Variants in FAM83A observed in about 807,000 individuals in gnomAD.
FAM83A encodes scaffolding CK1 anchoring protein A, also known as protein FAM83A.
In FAM83A, 21 loss-of-function variants were observed where a neutral mutation model predicts 24.4. The ratio of observed to expected loss-of-function variants is 0.86; its 90% CI spans 0.61 to 1.24. The LOEUF (loss-of-function observed/expected upper bound fraction) is 1.24. Among genes scored for constraint, FAM83A ranks in the 50% most tolerant of loss-of-function variants. The pLI, the probability that FAM83A is intolerant of heterozygous loss-of-function variation, is 0.00. For missense variants in FAM83A, 617 were observed against 579.8 expected (o/e 1.06, Z -0.66); for synonymous variants, 270 against 252.4 (o/e 1.07, Z -0.66).
intron 1 of FAM83A, among the ~76,000 whole-genome samples, chr8:123,190,399 C>A (rs1219023341): frequency 6.6e-6 from 1 of 151,558 alleles, no homozygotes; most frequent in Non-Finnish European, 1.5e-5. Context: ...GTAGCTGGGA[C>A]TATAGGCGTG....
chr8:123,182,384 C>T (rs1021868667), upstream of FAM83A: 21 of 357,858 alleles, frequency 5.9e-5, no homozygotes, highest in African/African-American at 6.4e-5. Flanking sequence ...GCATGGGAAT[C>T]GAGGCACCCA....
intron 3 of FAM83A, among the ~76,000 whole-genome samples, chr8:123,195,411 G>A (rs926809559): frequency 1.3e-5 from 2 of 152,016 alleles, no homozygotes; most frequent in African/African-American, 2.4e-5. Context: ...AAGGGAGGGC[G>A]GAAAAACCCC....
intron 3 of FAM83A, among the ~76,000 whole-genome samples, chr8:123,196,543 T>A (rs1017629234): frequency 3.3e-5 from 5 of 152,162 alleles, no homozygotes; most frequent in Non-Finnish European, 5.9e-5. Context: ...TAATTTATAT[T>A]TTTACTCTTT....
intron 1 of FAM83A, among the ~76,000 whole-genome samples, chr8:123,190,365 G>A (rs1823931786): frequency 6.6e-6 from 1 of 151,828 alleles, no homozygotes; most frequent in Non-Finnish European, 1.5e-5. Flanking sequence ...GGGTTCAAGC[G>A]ATTCTCTTGC....
intron 1 of FAM83A, among the ~76,000 whole-genome samples, chr8:123,191,571 T>G (rs143087629): frequency 1.3e-5 from 2 of 152,108 alleles, no homozygotes; most frequent in East Asian, 3.9e-4. Context: ...GGCCAACAGA[T>G]AGGTGGTGGG....
chr8:123,204,103 A>T (rs1824459422), intron 3 of FAM83A, among the ~76,000 whole-genome samples: 1 of 152,064 alleles, frequency 6.6e-6, no homozygotes, highest in Non-Finnish European at 1.5e-5. Context: ...CTATGGCTAG[A>T]TGTGGACTAT....
At chr8:123,200,186 A>G (rs1013366258) in intron 3 of FAM83A, among the ~76,000 whole-genome samples, 1 of 141,330 alleles carries the variant, frequency 7.1e-6, no homozygotes, top group Admixed American at 7.2e-5. Flanking sequence ...GCAGAACAAA[A>G]CCTCTCTTTC....
chr8:123,183,261 C>T (rs1295119668), exon 1 of FAM83A: 3 of 1,613,340 alleles, frequency 1.9e-6, no homozygotes. Flanking sequence ...AATCCAGCGC[C>T]ACTGTGTACT....
chr8:123,200,592 G>A (rs1824316452), intron 3 of FAM83A, among the ~76,000 whole-genome samples: 1 of 152,102 alleles, frequency 6.6e-6, no homozygotes, highest in Admixed American at 6.6e-5. Context: ...TGAGCGGGGT[G>A]GGTCACTTGA....
At chr8:123,202,743 T>A (rs1477416662) in intron 3 of FAM83A, 3 of 152,540 alleles carry the variant, frequency 2.0e-5, no homozygotes, top group East Asian at 3.8e-4. Context: ...GTAGATGATG[T>A]CTAGCATTTT....
chr8:123,207,546 G>A (rs1009700598), exon 4 of FAM83A: 1 of 1,557,224 alleles, frequency 6.4e-7, no homozygotes, highest in African/African-American at 1.4e-5. Context: ...CTCTCCCCGC[G>A]GCCCCACGAC....
chr8:123,180,538 C>T (rs1036880873), upstream of FAM83A: 5 of 152,500 alleles, frequency 3.3e-5, no homozygotes, highest in South Asian at 4.1e-4. Context: ...TGGACAGCTT[C>T]GGAGCCATGG....
chr8:123,181,393 C>T (rs1368087584), upstream of FAM83A, among the ~76,000 whole-genome samples: 1 of 152,182 alleles, frequency 6.6e-6, no homozygotes, highest in Non-Finnish European at 1.5e-5. Flanking sequence ...TATCCTGGCT[C>T]TTTGAAGACC....
chr8:123,183,086 A>C, exon 1 of FAM83A: 1 of 1,613,776 alleles, frequency 6.2e-7, no homozygotes, highest in African/African-American at 1.3e-5. Context: ...CAGGCCAGGG[A>C]GCCCCCGTGT....
intron 3 of FAM83A, 127 bp downstream of exon 3, chr8:123,194,275 A>G (rs932078928): frequency 7.5e-7 from 1 of 1,329,378 alleles, no homozygotes; most frequent in African/African-American, 1.4e-5. Flanking sequence ...CTCTGCCCGG[A>G]GCTGGAGCTG....
At position 123,209,845 on chromosome 8, in the gene FAM83A, G is replaced by T. The variant is rs1181760799; in HGVS notation, c.*2157G>T. ...ACATGTGATGCGCTGCCTGCTGGGAGGTTAGGTCGGGGCTGCCCCGGCGAG... is the reference window on the plus strand; with the variant it reads ...ACATGTGATGCGCTGCCTGCTGGGATGTTAGGTCGGGGCTGCCCCGGCGAG... On this transcript the variant is annotated 3_prime_UTR_variant, in exon 4 of 4. Coordinates refer to ENST00000690554, the Ensembl canonical transcript of FAM83A. The surrounding 1 kb of genome is among the most constrained non-coding windows in gnomAD (Gnocchi z 4.7). 5.1e-6 allele frequency: 2 copies of T among 391,568 alleles called. No individual in the cohort carries two copies. The highest frequency in any genetic ancestry group is 4.3e-5 in the East Asian group (1 of 23,488). The allele number at this position is 391,568 out of a possible 1,614,324, so 24.3% of individuals were successfully genotyped here.
At chr8:123,208,395 A>G (rs1824634991) in exon 4 of FAM83A, 11 of 985,596 alleles carry the variant, frequency 1.1e-5, no homozygotes, top group Non-Finnish European at 1.3e-5. Flanking sequence ...TCTTGCTTCA[A>G]AGAGCCTTGG....
intron 3 of FAM83A, among the ~76,000 whole-genome samples, chr8:123,197,827 G>A (rs1824211868): frequency 6.6e-6 from 1 of 152,138 alleles, no homozygotes; most frequent in Non-Finnish European, 1.5e-5. Context: ...CAAAGCACAT[G>A]ATACACTTTA....
At chr8:123,182,591 T>A (rs763588808), upstream of FAM83A, 15 of 664,602 alleles carry the variant, frequency 2.3e-5, no homozygotes, top group Non-Finnish European at 3.9e-5. Flanking sequence ...CAAGGAGGTG[T>A]CTGAGCCAGC....
Sources: allele counts gnomAD v4.1 joint callset (sites outside exome capture counted in the v4.1 genomes callset), GRCh38; gene constraint gnomAD v4.1.1; non-coding constraint Gnocchi (gnomAD v3.1); transcripts MANE v1.5; gene names NCBI Gene and HGNC (gene_info 2026-07-23, HGNC 2026-07-21).